UBTD2: variants seen among roughly 807,000 people sequenced by gnomAD.
UBTD2 encodes ubiquitin domain-containing protein 2.
Under a neutral mutation model 19.8 loss-of-function variants are expected in UBTD2, and 9 were observed. The ratio of observed to expected loss-of-function variants is 0.46; its 90% CI spans 0.27 to 0.79. UBTD2 has a LOEUF of 0.79. Ranked by LOEUF, UBTD2 falls within the 30% of genes least tolerant of loss-of-function variation. The probability of loss-of-function intolerance (pLI) is 0.14; values close to 1 mark genes in which losing one functional copy is unlikely to be tolerated. For missense variants in UBTD2, 250 were observed against 300.4 expected (o/e 0.83, Z 1.24); for synonymous variants, 98 against 103.9 (o/e 0.94, Z 0.35).
chr5:172,279,185 G>T (rs192472510), intron 1 of UBTD2, among the ~76,000 whole-genome samples: 1 of 152,318 alleles, frequency 6.6e-6, no homozygotes, highest in South Asian at 2.1e-4. Context: ...GCTATGTGAT[G>T]ATGAGCAAGT....
Position 172,224,593 on chromosome 5 carries a change from G to C in UBTD2, c.307+9529C>G, listed in dbSNP as rs950774358. Among the ~76,000 whole-genome samples, 11 of 152,086 alleles carry C rather than the reference G, an allele frequency of 7.2e-5. 1 individual carries two copies. Among genetic ancestry groups the C allele is most frequent in the Non-Finnish European group, 1.5e-4 (10 of 68,006 alleles). On this transcript the variant is annotated intron_variant, in intron 2 of 2. Coordinates refer to ENST00000393792, the MANE Select transcript of UBTD2 (RefSeq NM_152277.3). ...GGCATGAGCCACTGTGCCCGGCCAA[G>C]ATCTGATGGTTTTATAAGGGACTCT...
At chr5:172,213,093 C>T (rs2113870185) in intron 2 of UBTD2, among the ~76,000 whole-genome samples, 1 of 151,818 alleles carries the variant, frequency 6.6e-6, no homozygotes, top group East Asian at 1.9e-4. Flanking sequence ...CGTGTTCAAG[C>T]AATTCTCCTG....
At chr5:172,263,259 G>A (rs1755308755) in intron 1 of UBTD2, among the ~76,000 whole-genome samples, 1 of 152,120 alleles carries the variant, frequency 6.6e-6, no homozygotes, top group Non-Finnish European at 1.5e-5. Flanking sequence ...TGTACCCACT[G>A]CTTATAAATC....
chr5:172,242,448 C>G (rs1372102103), intron 1 of UBTD2: 8 of 985,346 alleles, frequency 8.1e-6, no homozygotes, highest in Non-Finnish European at 8.4e-6. Context: ...CATTTCTCAG[C>G]TGGGGACAGT....
At chr5:172,235,676 T>C (rs921138466) in intron 1 of UBTD2, among the ~76,000 whole-genome samples, 1 of 152,150 alleles carries the variant, frequency 6.6e-6, no homozygotes, top group Non-Finnish European at 1.5e-5. Context: ...TGCAGCATCC[T>C]TGCACCCAGA....
intron 1 of UBTD2, among the ~76,000 whole-genome samples, chr5:172,263,299 G>A (rs1388570463): frequency 6.6e-6 from 1 of 152,190 alleles, no homozygotes; most frequent in African/African-American, 2.4e-5. Context: ...ACAAGTTCAA[G>A]TATGTCACTA....
At chr5:172,232,681 G>A (rs1253839160) in intron 2 of UBTD2, among the ~76,000 whole-genome samples, 1 of 151,908 alleles carries the variant, frequency 6.6e-6, no homozygotes, top group Non-Finnish European at 1.5e-5. Flanking sequence ...GCAACATAGT[G>A]AGACCATGCC....
chr5:172,222,415 C>T (rs1212234817), intron 2 of UBTD2, among the ~76,000 whole-genome samples: 1 of 152,216 alleles, frequency 6.6e-6, no homozygotes, highest in Non-Finnish European at 1.5e-5. Flanking sequence ...GTGAGTAGGG[C>T]ATGTCACTGG....
At chr5:172,218,797 ATAAAAAAAAAAATAAAAAAT>A (rs1261075094) in intron 2 of UBTD2, among the ~76,000 whole-genome samples, 6 of 144,636 alleles carry the variant, frequency 4.1e-5, no homozygotes, top group African/African-American at 1.6e-4. Context: ...AAATAAAAAA[ATAAAAAAAAAAATAAAAAAT>A]AAAAATAAAA....
intron 1 of UBTD2, among the ~76,000 whole-genome samples, chr5:172,280,509 C>CAA (rs376156166): frequency 0.025 from 2,347 of 94,648 alleles, 50 homozygotes; most frequent in Admixed American, 0.035. Context: ...GACTCCATCT[C>CAA]AAAAAAAAAA....
chr5:172,222,666 G>A (rs137982528), intron 2 of UBTD2, among the ~76,000 whole-genome samples: 1 of 152,270 alleles, frequency 6.6e-6, no homozygotes, highest in East Asian at 1.9e-4. Flanking sequence ...GAATAGCAAC[G>A]AAGGGAATCC....
rs1279464222 is a variant in UBTD2, at chr5:172,211,213, G to A, written c.*617C>T. ...TGAATGTAAATAAGGAGCTCAAGAT[G>A]TGGGGATGAGGAAAGCAACACTAAA... On this transcript the variant is annotated 3_prime_UTR_variant, in exon 3 of 3. Coordinates refer to ENST00000393792, the MANE Select transcript of UBTD2 (RefSeq NM_152277.3). The A allele has an allele frequency of 6.6e-6, 1 of 152,228 alleles. No individual in the cohort carries two copies. Among genetic ancestry groups the A allele is most frequent in the Non-Finnish European group, 1.5e-5 (1 of 68,038 alleles). The allele number at this position is 152,228 out of a possible 1,614,324, so 9.4% of individuals were successfully genotyped here.
intron 1 of UBTD2, among the ~76,000 whole-genome samples, chr5:172,243,554 C>CTTTTTTT (rs58327908): frequency 3.0e-5 from 3 of 101,100 alleles, no homozygotes; most frequent in East Asian, 3.4e-4. Flanking sequence ...TGTGAGAAAC[C>CTTTTTTT]TTTTTTTTTT....
At chr5:172,253,956 G>A (rs745925588) in intron 1 of UBTD2, among the ~76,000 whole-genome samples, 78 of 152,100 alleles carry the variant, frequency 5.1e-4, no homozygotes, top group Non-Finnish European at 9.1e-4. Context: ...CTTACCCATG[G>A]TAAGGAGAGG....
rs1363080761 is a variant in UBTD2 at position 172,211,300 on chromosome 5, C to A, written c.*530G>T. ...TATTAATTGAGCTAAGAATAAAAAACCAGAATAGAAGCAACCTCAAATACT... is the reference window on the plus strand; with the variant it reads ...TATTAATTGAGCTAAGAATAAAAAAACAGAATAGAAGCAACCTCAAATACT... On this transcript the variant is annotated 3_prime_UTR_variant, in exon 3 of 3. Coordinates refer to ENST00000393792, the MANE Select transcript of UBTD2 (RefSeq NM_152277.3). The A allele has an allele frequency of 1.3e-5, 2 of 152,512 alleles. No individual in the cohort carries two copies. Among genetic ancestry groups the A allele is most frequent in the Admixed American group, 6.6e-5 (1 of 15,260 alleles). The allele number at this position is 152,512 out of a possible 1,614,324, so 9.4% of individuals were successfully genotyped here. A position where few individuals can be genotyped will look rare whatever the true frequency, so the allele number is the denominator to read the frequency against.
intron 1 of UBTD2, among the ~76,000 whole-genome samples, chr5:172,247,180 C>A (rs1446072603): frequency 6.6e-6 from 1 of 151,896 alleles, no homozygotes; most frequent in Non-Finnish European, 1.5e-5. Flanking sequence ...TAGAATCATG[C>A]AAATACTAAT....
At chr5:172,215,712 C>T (rs1771527526) in intron 2 of UBTD2, among the ~76,000 whole-genome samples, 1 of 152,006 alleles carries the variant, frequency 6.6e-6, no homozygotes, top group Non-Finnish European at 1.5e-5. Flanking sequence ...GTAAGAAGAA[C>T]AAATGGGAAT....
chr5:172,255,343 G>T, intron 1 of UBTD2: 1 of 458,302 alleles, frequency 2.2e-6, no homozygotes, highest in Non-Finnish European at 4.4e-6. Context: ...ATACTTGTTG[G>T]GCTTCATGGA....
chr5:172,220,556 A>T (rs545985011), intron 2 of UBTD2, among the ~76,000 whole-genome samples: 3 of 152,282 alleles, frequency 2.0e-5, no homozygotes, highest in Admixed American at 6.5e-5. Flanking sequence ...AATCACTTGA[A>T]CCCAGGAGGT....
Sources: allele counts gnomAD v4.1 joint callset (sites outside exome capture counted in the v4.1 genomes callset), GRCh38; gene constraint gnomAD v4.1.1; transcripts MANE v1.5; gene names NCBI Gene and HGNC (gene_info 2026-07-23, HGNC 2026-07-21).